The following DAB1 variants were observed in gnomAD, a reference collection of about 807,000 sequenced individuals.
DAB1 encodes the protein disabled homolog 1.
DAB1 carries 15 observed loss-of-function variants against 64.6 expected under a neutral mutation model. The ratio of observed to expected loss-of-function variants is 0.23; its 90% CI spans 0.16 to 0.36. DAB1 has a LOEUF of 0.36. DAB1 is among the 10% of genes least tolerant of loss of function. The pLI is 1.00. For missense variants in DAB1, 596 were observed against 706.7 expected (o/e 0.84, Z 1.78); for synonymous variants, 235 against 251.9 (o/e 0.93, Z 0.64).
chr1:57,972,982 TG>T (rs1185328739), intron 5 of DAB1, among the ~76,000 whole-genome samples: 1 of 152,244 alleles, frequency 6.6e-6, no homozygotes, highest in African/African-American at 2.4e-5. Context: ...GCACAAGTCC[TG>T]ATCGCTGGAG....
chr1:57,056,504 CA>C (rs71051216), intron 9 of DAB1, among the ~76,000 whole-genome samples: 1,986 of 86,974 alleles, frequency 0.023, 17 homozygotes, highest in African/African-American at 0.068. Context: ...GAGCCTGTCT[CA>C]AAAAAAAAAA....
chr1:57,938,589 T>C (rs1019829805), intron 5 of DAB1, among the ~76,000 whole-genome samples: 2 of 152,186 alleles, frequency 1.3e-5, no homozygotes, highest in Admixed American at 1.3e-4. Context: ...CCTCCTGCCA[T>C]GATTGTAAGT....
intron 7 of DAB1, among the ~76,000 whole-genome samples, chr1:57,615,636 C>T (rs1366315214): frequency 6.6e-6 from 1 of 151,948 alleles, no homozygotes; most frequent in African/African-American, 2.4e-5. Context: ...TCATTTGTAC[C>T]AAATACTTGT....
At chr1:58,537,947 G>A (rs11808437) in intron 1 of DAB1, among the ~76,000 whole-genome samples, 17,618 of 152,096 alleles carry the variant, frequency 0.12, 1,192 homozygotes, top group African/African-American at 0.18. Context: ...AAATCAGAAA[G>A]AGCATCCGAA....
chr1:58,291,069 CTGAG>C lies in DAB1; in HGVS notation n.309+52279_309+52282del, dbSNP rs1193077143. Among the ~76,000 whole-genome samples the C allele has an allele frequency of 4.6e-5, 7 of 152,246 alleles. 1 individual carries two copies. The highest frequency in any genetic ancestry group is 3.3e-4 in the Admixed American group (5 of 15,288). On this transcript the variant is annotated intron_variant and non_coding_transcript_variant, in intron 4 of 20. Transcript: ENST00000485760. ...TCTTGAACAGAAGCTGAGTGATATG[CTGAG>C]TGAGACAAAGTGAACTAAATAAAAG...
At chr1:57,446,179 C>A (rs1175695682) in intron 7 of DAB1, among the ~76,000 whole-genome samples, 2 of 152,112 alleles carry the variant, frequency 1.3e-5, no homozygotes, top group Non-Finnish European at 2.9e-5. Flanking sequence ...TCTTTTTTGT[C>A]ATTATGTCCT....
chr1:57,151,001 A>G (rs1009000543), intron 2 of DAB1, among the ~76,000 whole-genome samples: 1 of 152,108 alleles, frequency 6.6e-6, no homozygotes, highest in Non-Finnish European at 1.5e-5. Context: ...AAAGAAATTT[A>G]AAAAACCCTG....
chr1:57,037,068 C>T (rs546522230), intron 9 of DAB1, among the ~76,000 whole-genome samples: 59 of 152,162 alleles, frequency 3.9e-4, no homozygotes, highest in Admixed American at 7.2e-4. Flanking sequence ...CTACTAATGC[C>T]AGAGCCACAT....
At chr1:57,145,560 A>G in intron 2 of DAB1, 131 bp from the exon 3 acceptor site, 1 of 862,130 alleles carries the variant, frequency 1.2e-6, no homozygotes, top group Non-Finnish European at 1.8e-6. Context: ...GACTCAGGAG[A>G]AAAGAATAGC....
At chr1:57,724,503 A>G (rs1647185843) in intron 6 of DAB1, among the ~76,000 whole-genome samples, 1 of 152,156 alleles carries the variant, frequency 6.6e-6, no homozygotes, top group Non-Finnish European at 1.5e-5. Flanking sequence ...GAGAATGCCT[A>G]TTAACTTTTG....
intron 4 of DAB1, among the ~76,000 whole-genome samples, chr1:57,128,015 G>A (rs1023902404): frequency 1.3e-5 from 2 of 151,874 alleles, no homozygotes; most frequent in Non-Finnish European, 2.9e-5. Flanking sequence ...GGCATGGTGG[G>A]ATGCGCCCGT....
intron 4 of DAB1, among the ~76,000 whole-genome samples, chr1:58,336,203 T>C (rs896123216): frequency 2.6e-5 from 4 of 152,198 alleles, no homozygotes; most frequent in African/African-American, 9.7e-5. Context: ...AAGAATAAGA[T>C]GCAGATGCAA....
At chr1:57,520,148 G>A (rs1444071948) in intron 7 of DAB1, among the ~76,000 whole-genome samples, 1 of 152,190 alleles carries the variant, frequency 6.6e-6, no homozygotes, top group African/African-American at 2.4e-5. Flanking sequence ...ATTTATGAAA[G>A]TTCAACATCA....
chr1:57,424,739 G>C (rs1393396522), upstream of DAB1, among the ~76,000 whole-genome samples: 1 of 152,194 alleles, frequency 6.6e-6, no homozygotes, highest in African/African-American at 2.4e-5. Flanking sequence ...CAGGTTCGGC[G>C]GCTCCTGTTT....
At chr1:57,320,429 T>G (rs1282299928) in intron 1 of DAB1, among the ~76,000 whole-genome samples, 2 of 152,190 alleles carry the variant, frequency 1.3e-5, no homozygotes, top group African/African-American at 2.4e-5. Flanking sequence ...GCACACTAAC[T>G]TCTTGAATTT....
At chr1:58,538,433 A>G (rs927603521) in intron 1 of DAB1, among the ~76,000 whole-genome samples, 15 of 152,338 alleles carry the variant, frequency 9.8e-5, no homozygotes, top group East Asian at 1.9e-4. Flanking sequence ...CTTCTTATAC[A>G]TAAGTGATAA....
intron 5 of DAB1, among the ~76,000 whole-genome samples, chr1:58,101,130 C>G (rs956426767): frequency 2.0e-5 from 3 of 152,068 alleles, no homozygotes; most frequent in African/African-American, 7.2e-5. Context: ...TCCTGGCTAA[C>G]ACGGTGAAAC....
chr1:57,330,287 T>C (rs1182560349), intron 1 of DAB1, among the ~76,000 whole-genome samples: 4 of 152,202 alleles, frequency 2.6e-5, no homozygotes, highest in Non-Finnish European at 5.9e-5. Flanking sequence ...GTAGTGTTAA[T>C]ATTGCATTTG....
chr1:57,752,379 G>A (rs1056072019), intron 6 of DAB1, among the ~76,000 whole-genome samples: 6 of 152,140 alleles, frequency 3.9e-5, no homozygotes, highest in Non-Finnish European at 7.3e-5. Context: ...CATTCTTTCA[G>A]GTCCCAAATG....
Sources: gnomAD v4.1 joint callset for allele counts (sites outside exome capture counted in the v4.1 genomes callset) on GRCh38, gnomAD v4.1.1 for gene constraint, MANE v1.5 for transcripts, NCBI Gene and HGNC (gene_info 2026-07-23, HGNC 2026-07-21) for gene names.